The following GRIA3 variants were observed in gnomAD, a reference collection of about 807,000 sequenced individuals.
GRIA3 encodes glutamate receptor 3.
GRIA3 carries 3 observed loss-of-function variants against 63.0 expected under a neutral mutation model. The observed-to-expected ratio is 0.05, with a 90% CI of 0.02 to 0.12. The LOEUF (loss-of-function observed/expected upper bound fraction) is 0.12, where lower values mean the gene tolerates loss of function less well. Ranked by LOEUF, GRIA3 falls within the 10% of genes least tolerant of loss-of-function variation. The pLI is 1.00. For synonymous variants in GRIA3, 274 were observed against 257.9 expected, an observed-to-expected ratio of 1.06 and a Z score of -0.60; for missense variants, 347 against 700.9, an observed-to-expected ratio of 0.50 and a Z score of 5.70.
intron 5 of GRIA3, among the ~76,000 whole-genome samples, chrX:123,364,135 C>A (rs1284928169): frequency 8.9e-6 from 1 of 112,378 alleles, no homozygotes; most frequent in Non-Finnish European, 1.9e-5. Context: ...ACACAAAAAT[C>A]ATTGAATTTG....
chrX:123,288,133 T>C (rs1415206332), intron 3 of GRIA3, among the ~76,000 whole-genome samples: 1 of 112,419 alleles, frequency 8.9e-6, no homozygotes, highest in African/African-American at 3.2e-5. Context: ...CCATCTGATC[T>C]TTGACAAACC....
rs190927654 is a variant in GRIA3, at chrX:123,487,146, C to A, written c.*3-1567C>A. Among the ~76,000 whole-genome samples, 18 of 112,807 alleles carry A rather than the reference C, an allele frequency of 1.6e-4. No homozygotes were observed. In the East Asian group the frequency reaches 3.9e-3, roughly 25 times the overall value. ...TGACCAGCCACTGGAAGTGTATCCT[C>A]CCAAGCATGCCTTGGCAGGTGACTG... On this transcript the variant is annotated intron_variant, in intron 15 of 15. Coordinates refer to ENST00000620443, the MANE Select transcript of GRIA3 (RefSeq NM_007325.5).
At chrX:123,483,187 G>C (rs1402208947) in intron 15 of GRIA3, 141 bp downstream of exon 15, 2 of 526,989 alleles carry the variant, frequency 3.8e-6, no homozygotes, top group East Asian at 7.2e-5. Flanking sequence ...TGAAAACAAT[G>C]GTTGTGCTTT....
At chrX:123,396,016 C>T (rs1389144942) in intron 6 of GRIA3, among the ~76,000 whole-genome samples, 2 of 108,983 alleles carry the variant, frequency 1.8e-5, no homozygotes, top group African/African-American at 6.7e-5. Context: ...GATACTCATC[C>T]TCACATCCTT....
At chrX:123,275,857 G>A (rs1478280353) in intron 3 of GRIA3, among the ~76,000 whole-genome samples, 1 of 111,981 alleles carries the variant, frequency 8.9e-6, no homozygotes, top group Non-Finnish European at 1.9e-5. Context: ...AGCTCCAAAT[G>A]TGCCTTTTCG....
At chrX:123,307,306 T>C (rs990052699) in intron 3 of GRIA3, among the ~76,000 whole-genome samples, 6 of 111,983 alleles carry the variant, frequency 5.4e-5, no homozygotes, top group African/African-American at 1.9e-4. Context: ...TAACACTTGC[T>C]GACTAAATTG....
chrX:123,455,478 G>A lies in GRIA3; in HGVS notation c.2077-9387G>A, dbSNP rs983326584. Among the ~76,000 whole-genome samples, 8 of 111,945 alleles carry A rather than the reference G, an allele frequency of 7.1e-5. No homozygotes were observed. The Admixed American group carries it at 7.6e-4, about 11-fold the overall frequency. ...TCCTTTTTCCAAATGCACCTTATTAGAGCTATTGACTTCTTCAAAACATAA... is the reference window on the plus strand; with the variant it reads ...TCCTTTTTCCAAATGCACCTTATTAAAGCTATTGACTTCTTCAAAACATAA... On this transcript the variant is annotated intron_variant, in intron 12 of 15. Transcript: ENST00000620443.
chrX:123,323,364 T>TA (rs770445721), intron 3 of GRIA3, among the ~76,000 whole-genome samples: 1,588 of 112,218 alleles, frequency 0.014, 16 homozygotes, highest in Middle Eastern at 0.023. Context: ...TATATATAGA[T>TA]TGAGCTGTCT....
intron 12 of GRIA3, among the ~76,000 whole-genome samples, chrX:123,442,536 T>C (rs1184842162): frequency 9.0e-6 from 1 of 111,383 alleles, no homozygotes; most frequent in Non-Finnish European, 1.9e-5. Context: ...GATAGTGAGG[T>C]GTTCATCATT....
intron 3 of GRIA3, among the ~76,000 whole-genome samples, chrX:123,317,052 A>C (rs1387000426): frequency 9.0e-6 from 1 of 111,392 alleles, no homozygotes; most frequent in African/African-American, 3.3e-5. Context: ...GGGAGGCAAA[A>C]GGCACTTCTT....
chrX:123,304,323 C>A (rs1026046494), intron 3 of GRIA3, among the ~76,000 whole-genome samples: 4 of 111,612 alleles, frequency 3.6e-5, no homozygotes, highest in African/African-American at 9.8e-5. Flanking sequence ...AATTTCCAAG[C>A]ATGCCACATT....
intron 3 of GRIA3, among the ~76,000 whole-genome samples, chrX:123,306,483 T>C (rs1435977264): frequency 8.9e-6 from 1 of 112,032 alleles, no homozygotes; most frequent in Non-Finnish European, 1.9e-5. Context: ...TCTATTCAAA[T>C]AATATATGAT....
intron 5 of GRIA3, among the ~76,000 whole-genome samples, chrX:123,360,855 T>TCTCTCA (rs1400162768): frequency 2.1e-5 from 1 of 46,513 alleles, no homozygotes; most frequent in African/African-American, 8.1e-5. Context: ...TCTCTCTCTC[T>TCTCTCA]CACACACACA....
At chrX:123,440,350 T>C (rs2045667198) in intron 12 of GRIA3, among the ~76,000 whole-genome samples, 1 of 112,607 alleles carries the variant, frequency 8.9e-6, no homozygotes, top group Non-Finnish European at 1.9e-5. Flanking sequence ...GTTTTGCTTT[T>C]AGCTCTTTGA....
At chrX:123,464,600 T>C (rs1488341501) in intron 12 of GRIA3, among the ~76,000 whole-genome samples, 2 of 111,379 alleles carry the variant, frequency 1.8e-5, no homozygotes, top group Non-Finnish European at 3.8e-5. Flanking sequence ...TGAAATCCAT[T>C]TAGTGGGTCC....
At chrX:123,329,810 C>T (rs993113819) in intron 4 of GRIA3, among the ~76,000 whole-genome samples, 1 of 111,997 alleles carries the variant, frequency 8.9e-6, no homozygotes, top group African/African-American at 3.2e-5. Context: ...AAGCTCTCCT[C>T]ACTGGTGGAC....
chrX:123,208,631 G>C (rs972174189), intron 2 of GRIA3, among the ~76,000 whole-genome samples: 1 of 111,934 alleles, frequency 8.9e-6, no homozygotes, highest in African/African-American at 3.2e-5. Flanking sequence ...TCACCCCTCT[G>C]AGTCATCGAA....
chrX:123,388,964 C>T lies in GRIA3; in HGVS notation c.751-6004C>T, dbSNP rs752563248. 4.5e-5 allele frequency among the ~76,000 whole-genome samples: 5 copies of T among 112,037 alleles called. No homozygotes were observed. The South Asian group carries it at 1.5e-3, about 33-fold the overall frequency. ...ATTTTTTAAATTTCCTCCTTAATTT[C>T]TTCTTTGACCCAATGGTCATTCGGG... On this transcript the variant is annotated intron_variant, in intron 5 of 15. Transcript: ENST00000620443.
chrX:123,326,729 T>A (rs746486737), intron 4 of GRIA3, among the ~76,000 whole-genome samples: 83 of 111,771 alleles, frequency 7.4e-4, no homozygotes, highest in Admixed American at 1.3e-3. Flanking sequence ...TTTGAATTTG[T>A]CTACATTTTT....
Sources: allele counts gnomAD v4.1 joint callset (sites outside exome capture counted in the v4.1 genomes callset), GRCh38; gene constraint gnomAD v4.1.1; transcripts MANE v1.5; gene names NCBI Gene and HGNC (gene_info 2026-07-23, HGNC 2026-07-21).